The following NOL8 variants were observed in gnomAD, a reference collection of about 807,000 sequenced individuals.
The protein encoded by NOL8 is nucleolar protein Nop132.
In NOL8, 93 loss-of-function variants were observed where a neutral mutation model predicts 116.1. The observed-to-expected ratio is 0.80, with a 90% CI of 0.68 to 0.95. The LOEUF (loss-of-function observed/expected upper bound fraction) is 0.95. Among genes scored for constraint, NOL8 ranks in the 40% least tolerant of loss-of-function variants. NOL8 has a pLI of 0.00. For missense variants in NOL8, 1,291 were observed against 1,382.8 expected (o/e 0.93, Z 1.05); for synonymous variants, 419 against 469.0 (o/e 0.89, Z 1.38).
At position 92,324,005 on chromosome 9, in the gene NOL8, T is replaced by C. The variant is rs1447395171; in HGVS notation, c.139+18A>G. ...GTTATGTCTGCCTATAACTGCCCAG[T>C]GAAGGACCATAAATTACCTTGGTCA... On this transcript the variant is annotated intron_variant, in intron 2 of 16. Coordinates refer to ENST00000442668, the MANE Select transcript of NOL8 (RefSeq NM_017948.6). 6.2e-7 allele frequency: 1 copy of C among 1,613,482 alleles called. No homozygotes were observed. Among genetic ancestry groups the C allele is most frequent in the Non-Finnish European group, 8.5e-7 (1 of 1,179,526 alleles).
chr9:92,300,746 G>T, intron 13 of NOL8: 1 of 1,191,818 alleles, frequency 8.4e-7, no homozygotes, highest in Non-Finnish European at 1.1e-6. Context: ...CCACGGAGTT[G>T]GTATTATCTG....
At chr9:92,309,341 T>A (rs950241606) in intron 10 of NOL8, among the ~76,000 whole-genome samples, 1 of 152,088 alleles carries the variant, frequency 6.6e-6, no homozygotes, top group Non-Finnish European at 1.5e-5. Context: ...AAAACTGGCA[T>A]GGTTAGAGGA....
Position 92,297,680 on chromosome 9 carries a change from A to C in NOL8, c.*156T>G. 4 of 603,832 alleles carry C rather than the reference A, an allele frequency of 6.6e-6. No homozygotes were observed. The highest frequency in any genetic ancestry group is 1.2e-5 in the Non-Finnish European group (4 of 341,728). The allele number at this position is 603,832 out of a possible 1,614,324, so 37.4% of individuals were successfully genotyped here. ...TTAGGAAGAAATGCAGAGGAGTTCCACAGAAAAAGATGGCAACCAGAATGA... is the reference window on the plus strand; with the variant it reads ...TTAGGAAGAAATGCAGAGGAGTTCCCCAGAAAAAGATGGCAACCAGAATGA... On this transcript the variant is annotated 3_prime_UTR_variant, in exon 17 of 17. Coordinates refer to ENST00000442668, the MANE Select transcript of NOL8 (RefSeq NM_017948.6).
At chr9:92,312,446 T>TAAAAA (rs34116665) in intron 7 of NOL8, among the ~76,000 whole-genome samples, 1 of 57,562 alleles carries the variant, frequency 1.7e-5, no homozygotes, top group Non-Finnish European at 3.1e-5. Flanking sequence ...TGAGACCCTG[T>TAAAAA]AAAAAAAAAA....
rs1839155778 is a variant in NOL8 at position 92,314,374 on chromosome 9, T to C, written c.2251A>G (p.Lys751Glu). The change falls in exon 7 of 17, where the codon AAA (lysine) becomes GAA (glutamate). Residue 751 changes from lysine to glutamate, a missense_variant. Transcript: ENST00000442668. ...TCATTGTCTTCAGCATGCTTATCTT[T>C]AGCACTCACATCTGACGAATTACTA... Reference protein sequence around the residue: ...SISNSSDVSAKDKHAEDNEKR... With the variant: ...SISNSSDVSAEDKHAEDNEKR... The C allele has an allele frequency of 2.5e-6, 4 of 1,613,732 alleles. No individual in the cohort carries two copies. Among genetic ancestry groups the C allele is most frequent in the Non-Finnish European group, 3.4e-6 (4 of 1,179,652 alleles).
At chr9:92,305,320 C>T (rs2134097126) in intron 12 of NOL8, among the ~76,000 whole-genome samples, 1 of 152,240 alleles carries the variant, frequency 6.6e-6, no homozygotes. Context: ...GTGGCAGTCA[C>T]TAGAAACTAG....
In NOL8 at chr9:92,297,900, A is replaced by T. The variant is rs1837374694; in HGVS notation, c.3454-14T>A. ...CTTTCGACAATCCTAGGAAAAAAAAAAGACTTGGTTAGCAATAAACAAATT... is the reference window on the plus strand; with the variant it reads ...CTTTCGACAATCCTAGGAAAAAAAATAGACTTGGTTAGCAATAAACAAATT... On this transcript the variant is annotated splice_polypyrimidine_tract_variant and intron_variant, in intron 16 of 16. Transcript: ENST00000442668. 1.3e-6 allele frequency: 2 copies of T among 1,538,290 alleles called. No individual in the cohort carries two copies. Among genetic ancestry groups the T allele is most frequent in the African/African-American group, 1.4e-5 (1 of 72,168 alleles).
Position 92,315,545 on chromosome 9 carries a change from G to GAC in NOL8, c.1078_1079dup (p.Cys362LeufsTer10), listed in dbSNP as rs768147996. On this transcript the variant is annotated frameshift_variant, in exon 7 of 17. Coordinates refer to ENST00000442668, the MANE Select transcript of NOL8 (RefSeq NM_017948.6). LOFTEE classifies it high-confidence loss of function. ...TATCATCATCACTATCATGGCAAGA[G>GAC]ACACGATTTTTGATACCTAAACCTA... is the stretch of plus-strand genomic sequence containing the variant. 4 of 1,611,786 alleles carry GAC rather than the reference G, an allele frequency of 2.5e-6. No individual in the cohort carries two copies. In the South Asian group the frequency reaches 4.4e-5, roughly 18 times the overall value.
intron 4 of NOL8, 56 bp from the exon 5 acceptor site, chr9:92,319,412 G>A (rs973022285): frequency 6.8e-7 from 1 of 1,465,676 alleles, no homozygotes; most frequent in African/African-American, 1.5e-5. Context: ...CACGTAAAAT[G>A]GTTATTTCAC....
intron 7 of NOL8, 100 bp from the exon 8 acceptor site, chr9:92,311,359 T>A: frequency 2.7e-6 from 2 of 728,186 alleles, no homozygotes; most frequent in Non-Finnish European, 4.6e-6. Context: ...GGGATCTAAT[T>A]AAACTAAAGA....
chr9:92,315,340 T>C lies in NOL8; in HGVS notation c.1285A>G (p.Lys429Glu), dbSNP rs530518483. ...ELSDHCIKLQ[K>E]RKSNVESALS... Reference sequence around the variant, plus strand: ...GCTGACTCTACATTGCTTTTTCTTTTTTGTAGTTTAATACAGTGATCAGAA... The same window carrying C: ...GCTGACTCTACATTGCTTTTTCTTTCTTGTAGTTTAATACAGTGATCAGAA... The change falls in exon 7 of 17, where the codon AAA (lysine) becomes GAA (glutamate). Residue 429 changes from lysine to glutamate, a missense_variant. Lys to Glu is a moderately conservative substitution (Grantham distance 56). Transcript: ENST00000442668. The C allele has an allele frequency of 7.4e-6, 12 of 1,612,982 alleles. No homozygotes were observed. The East Asian group carries it at 2.5e-4, about 33-fold the overall frequency.
At position 92,324,407 on chromosome 9, in the gene NOL8, C is replaced by T. The variant is rs539981562; in HGVS notation, c.-48-198G>A. 6 of 450,936 alleles carry T rather than the reference C, an allele frequency of 1.3e-5. No individual in the cohort carries two copies. In the East Asian group the frequency reaches 2.2e-4, roughly 16 times the overall value. 27.9% of individuals were successfully genotyped at this position (450,936 alleles called of 1,614,324 possible). On this transcript the variant is annotated intron_variant, in intron 1 of 16. Transcript: ENST00000442668. Reference sequence around the variant, plus strand: ...TCATGAATGCACTTTGGAACAGCAACCCCATACCCATATAGACACAGGTAC... The same window carrying T: ...TCATGAATGCACTTTGGAACAGCAATCCCATACCCATATAGACACAGGTAC...
chr9:92,318,911 G>T (rs1839670846), intron 5 of NOL8: 1 of 509,150 alleles, frequency 2.0e-6, no homozygotes, highest in Non-Finnish European at 3.4e-6. Flanking sequence ...GTGTAAGATG[G>T]TTTACAAAAA....
In NOL8 at chr9:92,315,523, CAT is replaced by C. The variant is rs1227169854; in HGVS notation, c.1100_1101del (p.Asp367GlyfsTer6). ...TACTCACGATCATTTCTCATAATATCATCATCACTATCATGGCAAGAGACACG... is the reference window on the plus strand; with the variant it reads ...TACTCACGATCATTTCTCATAATATCCATCACTATCATGGCAAGAGACACG... Reference protein sequence around the residue: ...KNRVSCHDSDDDIMRNDREYD... With the variant: ...KNRVSCHDSDXDIMRNDREYD... On this transcript the variant is annotated frameshift_variant, in exon 7 of 17. Coordinates refer to ENST00000442668, the MANE Select transcript of NOL8 (RefSeq NM_017948.6). LOFTEE classifies it high-confidence loss of function. 16 of 1,611,066 alleles carry C rather than the reference CAT, an allele frequency of 9.9e-6. No homozygotes were observed. In the African/African-American group the frequency reaches 2.0e-4, roughly 20 times the overall value.
At position 92,300,021 on chromosome 9, in the gene NOL8, A is replaced by G. The variant is rs1159308340; in HGVS notation, c.3176-5T>C. 2.5e-6 allele frequency: 4 copies of G among 1,612,256 alleles called. No homozygotes were observed. The highest frequency in any genetic ancestry group is 1.1e-5 in the South Asian group (1 of 90,952). On this transcript the variant is annotated splice_polypyrimidine_tract_variant and splice_region_variant and intron_variant, in intron 13 of 16. Coordinates refer to ENST00000442668, the MANE Select transcript of NOL8 (RefSeq NM_017948.6). ...CTGTTTCAACTCTGTAGGTCTCTAT[A>G]TCGTTATGACAACAAAAGATGATGG...
At chr9:92,298,597 T>G in intron 15 of NOL8, 1 of 470,872 alleles carries the variant, frequency 2.1e-6, no homozygotes. Context: ...CAGCCTGAGT[T>G]TTCACATGGA....
At chr9:92,310,962 G>T (rs1838724745) in intron 8 of NOL8, 184 bp downstream of exon 8, 1 of 586,156 alleles carries the variant, frequency 1.7e-6, no homozygotes, top group Non-Finnish European at 3.0e-6. Context: ...TGCAGATGTT[G>T]TGGAGAATAT....
At chr9:92,306,169 T>C (rs1838239229) in intron 11 of NOL8, among the ~76,000 whole-genome samples, 2 of 152,136 alleles carry the variant, frequency 1.3e-5, no homozygotes, top group South Asian at 4.1e-4. Flanking sequence ...AATTTTTATA[T>C]TTTTAGTAGA....
intron 13 of NOL8, chr9:92,300,803 G>GTGAGCC: frequency 9.3e-7 from 1 of 1,074,824 alleles, no homozygotes; most frequent in Non-Finnish European, 1.2e-6. Context: ...GGGTGACAGA[G>GTGAGCC]ACTCTGTCTC....
Sources: allele counts gnomAD v4.1 joint callset (sites outside exome capture counted in the v4.1 genomes callset), GRCh38; gene constraint gnomAD v4.1.1; transcripts MANE v1.5; gene names NCBI Gene and HGNC (gene_info 2026-07-23, HGNC 2026-07-21).